The following TMTC1 variants were observed in gnomAD, a reference collection of about 807,000 sequenced individuals.
TMTC1 encodes protein O-mannosyl-transferase TMTC1.
In TMTC1, 73 loss-of-function variants were observed where a neutral mutation model predicts 104.8. The ratio of observed to expected loss-of-function variants is 0.70; its 90% CI spans 0.58 to 0.85. TMTC1 has a LOEUF of 0.85. TMTC1 is among the 40% of genes least tolerant of loss of function. The probability of loss-of-function intolerance (pLI) is 0.00; values close to 1 mark genes in which losing one functional copy is unlikely to be tolerated. For synonymous variants in TMTC1, 434 were observed against 428.7 expected, an observed-to-expected ratio of 1.01 and a Z score of -0.15; for missense variants, 1,035 against 1,096.1, an observed-to-expected ratio of 0.94 and a Z score of 0.79.
chr12:29,784,072 TG>T (rs1943903971), upstream of TMTC1, among the ~76,000 whole-genome samples: 1 of 151,320 alleles, frequency 6.6e-6, no homozygotes, highest in Admixed American at 6.6e-5. Flanking sequence ...CGGCGCCCTC[TG>T]CCCCCGGCCC....
chr12:29,572,356 G>C (rs1447870524), intron 8 of TMTC1, 138 bp from the exon 9 acceptor site: 3 of 717,176 alleles, frequency 4.2e-6, no homozygotes, highest in Middle Eastern at 4.1e-4. Context: ...AGCCTACAAG[G>C]CTTCCAAAAT....
chr12:29,576,634 A>G (rs1945831121), intron 8 of TMTC1, among the ~76,000 whole-genome samples: 1 of 152,148 alleles, frequency 6.6e-6, no homozygotes, highest in Non-Finnish European at 1.5e-5. Flanking sequence ...TGGCAAGGAG[A>G]GGAAATGAAG....
At chr12:29,539,696 A>T (rs1944742785) in intron 10 of TMTC1, among the ~76,000 whole-genome samples, 1 of 152,232 alleles carries the variant, frequency 6.6e-6, no homozygotes, top group Non-Finnish European at 1.5e-5. Flanking sequence ...TTTAAAAAAG[A>T]CTTTAGTGCT....
At chr12:29,606,238 T>G (rs1486051513) in intron 6 of TMTC1, among the ~76,000 whole-genome samples, 1 of 152,254 alleles carries the variant, frequency 6.6e-6, no homozygotes, top group Non-Finnish European at 1.5e-5. Flanking sequence ...GTGGGATTGC[T>G]GGGTTGAATG....
At chr12:29,746,196 T>C (rs973890708) in intron 5 of TMTC1, among the ~76,000 whole-genome samples, 4 of 152,224 alleles carry the variant, frequency 2.6e-5, no homozygotes, top group African/African-American at 9.6e-5. Flanking sequence ...TTTTAACTGT[T>C]ACATGTATTT....
intron 5 of TMTC1, among the ~76,000 whole-genome samples, chr12:29,707,637 A>G (rs1208998000): frequency 3.9e-5 from 6 of 152,154 alleles, no homozygotes; most frequent in Admixed American, 3.9e-4. Context: ...GATTTTGCAG[A>G]CTTTTCCATT....
At chr12:29,654,431 T>C (rs1050442805) in intron 5 of TMTC1, among the ~76,000 whole-genome samples, 5 of 152,288 alleles carry the variant, frequency 3.3e-5, no homozygotes, top group African/African-American at 9.6e-5. Context: ...ATGGCTATAA[T>C]AAAACACACT....
intron 11 of TMTC1, among the ~76,000 whole-genome samples, chr12:29,521,556 T>C (rs1421504647): frequency 2.3e-5 from 3 of 130,652 alleles, no homozygotes. Flanking sequence ...ATTTTTCTTT[T>C]TCTTTCTTTC....
At chr12:29,597,844 G>T (rs1012242969) in intron 7 of TMTC1, among the ~76,000 whole-genome samples, 5 of 152,024 alleles carry the variant, frequency 3.3e-5, no homozygotes, top group African/African-American at 1.2e-4. Flanking sequence ...ACTGATGCAG[G>T]GTCATCTACC....
At chr12:29,723,226 A>C (rs557347444) in intron 5 of TMTC1, among the ~76,000 whole-genome samples, 18 of 152,144 alleles carry the variant, frequency 1.2e-4, no homozygotes, top group Non-Finnish European at 2.2e-4. Flanking sequence ...ATTAATGTCA[A>C]TTCTCCCAAC....
At chr12:29,577,958 C>G (rs1457554710) in intron 8 of TMTC1, among the ~76,000 whole-genome samples, 1 of 151,962 alleles carries the variant, frequency 6.6e-6, no homozygotes, top group African/African-American at 2.4e-5. Flanking sequence ...CTGACTTTTT[C>G]TATCTAGAAC....
At chr12:29,593,815 A>G (rs906623480) in intron 7 of TMTC1, among the ~76,000 whole-genome samples, 9 of 152,238 alleles carry the variant, frequency 5.9e-5, no homozygotes, top group African/African-American at 2.2e-4. Flanking sequence ...ACTGTTTGGA[A>G]GTTCAAGCAG....
At chr12:29,557,769 G>C (rs543830525) in intron 9 of TMTC1, among the ~76,000 whole-genome samples, 11 of 152,300 alleles carry the variant, frequency 7.2e-5, no homozygotes, top group Non-Finnish European at 1.5e-4. Flanking sequence ...CTTTGGATTA[G>C]AGCATTGGTA....
At chr12:29,549,422 G>A (rs1297423708) in intron 10 of TMTC1, among the ~76,000 whole-genome samples, 2 of 152,034 alleles carry the variant, frequency 1.3e-5, no homozygotes, top group South Asian at 2.1e-4. Context: ...GGTCTTTCTG[G>A]GGTGATGGAA....
At chr12:29,616,321 T>C (rs2136444020) in intron 6 of TMTC1, among the ~76,000 whole-genome samples, 1 of 152,248 alleles carries the variant, frequency 6.6e-6, no homozygotes, top group Non-Finnish European at 1.5e-5. Context: ...ATCAACGCGC[T>C]CTCTGGCAAA....
intron 5 of TMTC1, among the ~76,000 whole-genome samples, chr12:29,662,666 CAA>C (rs35610791): frequency 0.025 from 2,190 of 86,570 alleles, 22 homozygotes; most frequent in South Asian, 0.088. Flanking sequence ...GACTCCGTCT[CAA>C]AAAAAAAAAA....
intron 5 of TMTC1, among the ~76,000 whole-genome samples, chr12:29,745,256 C>T (rs1238249817): frequency 2.6e-5 from 4 of 152,104 alleles, no homozygotes; most frequent in East Asian, 1.9e-4. Flanking sequence ...TAACATTCAC[C>T]AAGTGTGCCT....
intron 5 of TMTC1, among the ~76,000 whole-genome samples, chr12:29,718,932 CAA>C (rs35351612): frequency 4.5e-5 from 4 of 88,248 alleles, no homozygotes; most frequent in Admixed American, 1.4e-4. Flanking sequence ...GACTCCATCT[CAA>C]AAAAAAAAAA....
At chr12:29,567,851 T>C (rs1945559671) in intron 9 of TMTC1, among the ~76,000 whole-genome samples, 1 of 152,216 alleles carries the variant, frequency 6.6e-6, no homozygotes, top group Non-Finnish European at 1.5e-5. Context: ...AAAATGGTTT[T>C]ATAAACAGCA....
Sources: gnomAD v4.1 joint callset for allele counts (sites outside exome capture counted in the v4.1 genomes callset) on GRCh38, gnomAD v4.1.1 for gene constraint, MANE v1.5 for transcripts, NCBI Gene and HGNC (gene_info 2026-07-23, HGNC 2026-07-21) for gene names.